Variants in ZNF704 observed in about 807,000 individuals in gnomAD.
ZNF704 encodes the protein glucocorticoid induced gene 1.
A neutral mutation model predicts 44.7 loss-of-function variants in ZNF704; 10 were observed. The ratio of observed to expected loss-of-function variants is 0.22; its 90% CI spans 0.14 to 0.38. The LOEUF (loss-of-function observed/expected upper bound fraction) is 0.38, where lower values mean the gene tolerates loss of function less well. Ranked by LOEUF, ZNF704 falls within the 10% of genes least tolerant of loss-of-function variation. The pLI is 1.00. For missense variants in ZNF704, 390 were observed against 545.5 expected (o/e 0.71, Z 2.84); for synonymous variants, 211 against 207.6 (o/e 1.02, Z -0.14).
intron 2 of ZNF704, among the ~76,000 whole-genome samples, chr8:80,735,819 T>G (rs912910285): frequency 5.3e-5 from 8 of 152,234 alleles, no homozygotes; most frequent in African/African-American, 1.7e-4. Flanking sequence ...GACCTTCTAT[T>G]TAAACAAACT....
chr8:80,875,451 C>T (rs533127495), upstream of ZNF704, among the ~76,000 whole-genome samples: 4 of 152,162 alleles, frequency 2.6e-5, no homozygotes, highest in South Asian at 4.2e-4. Context: ...ATTAAAGGCG[C>T]GCTCCACCAT....
intron 1 of ZNF704, among the ~76,000 whole-genome samples, chr8:80,861,212 T>C (rs1809056067): frequency 6.6e-6 from 1 of 152,144 alleles, no homozygotes; most frequent in Admixed American, 6.5e-5. Flanking sequence ...TGTCTTTTAT[T>C]TCCCCTTATT....
intron 2 of ZNF704, among the ~76,000 whole-genome samples, chr8:80,746,460 T>C (rs543585004): frequency 1.3e-5 from 2 of 152,332 alleles, no homozygotes; most frequent in African/African-American, 2.4e-5. Context: ...TTGGGGATAT[T>C]GTACTGAATG....
At chr8:80,713,392 G>C (rs964984437) in intron 2 of ZNF704, among the ~76,000 whole-genome samples, 1 of 152,102 alleles carries the variant, frequency 6.6e-6, no homozygotes, top group Non-Finnish European at 1.5e-5. Flanking sequence ...ACTGCGGCTC[G>C]AATTATAGAT....
chr8:80,791,200 C>G (rs1222290408), intron 2 of ZNF704, among the ~76,000 whole-genome samples: 1 of 152,066 alleles, frequency 6.6e-6, no homozygotes, highest in African/African-American at 2.4e-5. Context: ...AGGATATTTT[C>G]CAGGCACAAG....
rs1817639907 is a variant in ZNF704, at chr8:80,634,743, A to C, written c.*6623T>G. 1 of 152,208 alleles carries C rather than the reference A, an allele frequency of 6.6e-6. No individual in the cohort carries two copies. The highest frequency in any genetic ancestry group is 2.4e-5 in the African/African-American group (1 of 41,432). 9.4% of individuals were successfully genotyped at this position (152,208 alleles called of 1,614,324 possible). ...GTTCCTCTTTGCCTTATCCACATCA[A>C]TCATTTACAGAACTTGCCTGGTCCT... is the stretch of plus-strand genomic sequence containing the variant. On this transcript the variant is annotated 3_prime_UTR_variant, in exon 9 of 9. Transcript: ENST00000327835.
chr8:80,811,170 G>C (rs951334285), intron 2 of ZNF704, among the ~76,000 whole-genome samples: 2 of 152,044 alleles, frequency 1.3e-5, no homozygotes, highest in Non-Finnish European at 2.9e-5. Context: ...TCCAAACTGA[G>C]ATGTGCTATA....
intron 1 of ZNF704, among the ~76,000 whole-genome samples, chr8:80,822,538 T>A (rs986069982): frequency 6.6e-6 from 1 of 152,214 alleles, no homozygotes; most frequent in African/African-American, 2.4e-5. Flanking sequence ...GCAGCATGAT[T>A]TATAATCCTT....
intron 1 of ZNF704, among the ~76,000 whole-genome samples, chr8:80,836,466 A>G (rs1477355622): frequency 6.6e-6 from 1 of 152,026 alleles, no homozygotes; most frequent in African/African-American, 2.4e-5. Context: ...CCCATATTCT[A>G]TTCTATATCA....
chr8:80,756,945 C>T (rs1807045782), intron 2 of ZNF704, among the ~76,000 whole-genome samples: 1 of 152,148 alleles, frequency 6.6e-6, no homozygotes, highest in African/African-American at 2.4e-5. Flanking sequence ...CTCAAGGTGG[C>T]CAAGGAGACA....
intron 1 of ZNF704, among the ~76,000 whole-genome samples, chr8:80,852,049 A>T (rs2130003521): frequency 6.6e-6 from 1 of 152,336 alleles, no homozygotes; most frequent in East Asian, 1.9e-4. Flanking sequence ...TCTAGAGGGT[A>T]ATCCCACTCA....
intron 2 of ZNF704, among the ~76,000 whole-genome samples, chr8:80,740,041 C>G (rs912539693): frequency 1.3e-5 from 2 of 152,158 alleles, no homozygotes; most frequent in African/African-American, 4.8e-5. Context: ...GATGCTGGCA[C>G]GACCTTCTCA....
At chr8:80,749,067 C>A (rs1806897351) in intron 2 of ZNF704, among the ~76,000 whole-genome samples, 1 of 152,118 alleles carries the variant, frequency 6.6e-6, no homozygotes. Flanking sequence ...GAGTTCAGCC[C>A]CTGTGCCCAC....
chr8:80,732,033 T>C (rs1399300096), intron 2 of ZNF704, among the ~76,000 whole-genome samples: 1 of 152,208 alleles, frequency 6.6e-6, no homozygotes, highest in Non-Finnish European at 1.5e-5. Context: ...AGACCAATTA[T>C]ATGTGCACAT....
chr8:80,654,434 T>G (rs1817975123), intron 7 of ZNF704, among the ~76,000 whole-genome samples: 2 of 151,970 alleles, frequency 1.3e-5, no homozygotes, highest in Admixed American at 6.6e-5. Context: ...TTTTTGCAAT[T>G]TACTCATCTG....
chr8:80,841,057 A>C (rs1211663021), intron 1 of ZNF704, among the ~76,000 whole-genome samples: 1 of 152,144 alleles, frequency 6.6e-6, no homozygotes, highest in Admixed American at 6.6e-5. Flanking sequence ...ACCACATCAC[A>C]AGTCTGAGCT....
At chr8:80,828,310 G>C (rs1808414188) in intron 1 of ZNF704, among the ~76,000 whole-genome samples, 1 of 152,176 alleles carries the variant, frequency 6.6e-6, no homozygotes, top group African/African-American at 2.4e-5. Flanking sequence ...AAACCTTAAT[G>C]AACTGAATCT....
In ZNF704 at chr8:80,641,252, T is replaced by C. The variant is rs984106354; in HGVS notation, c.*114A>G. On this transcript the variant is annotated 3_prime_UTR_variant, in exon 9 of 9. Transcript: ENST00000327835. The stretch of plus-strand genomic sequence containing the variant: ...ATTCCTCCAAGGTTCCTGAAAGGGC[T>C]TTTCCTGGCTTCAACTGTGTTTTAT... 2 of 601,632 alleles carry C rather than the reference T, an allele frequency of 3.3e-6. No homozygotes were observed. The highest frequency in any genetic ancestry group is 5.4e-6 in the Non-Finnish European group (2 of 371,052). The allele number at this position is 601,632 out of a possible 1,614,324, so 37.3% of individuals were successfully genotyped here.
chr8:80,849,459 C>T (rs1808821722), intron 1 of ZNF704, among the ~76,000 whole-genome samples: 1 of 152,102 alleles, frequency 6.6e-6, no homozygotes, highest in African/African-American at 2.4e-5. Context: ...AGAAATAAAC[C>T]ACACACAACA....
Sources: gnomAD v4.1 joint callset for allele counts (sites outside exome capture counted in the v4.1 genomes callset) on GRCh38, gnomAD v4.1.1 for gene constraint, MANE v1.5 for transcripts, NCBI Gene and HGNC (gene_info 2026-07-23, HGNC 2026-07-21) for gene names.